The following RELN variants were observed in gnomAD, a reference collection of about 807,000 sequenced individuals.
RELN encodes the protein reelin.
Under a neutral mutation model 427.6 loss-of-function variants are expected in RELN, and 108 were observed. That is an observed-to-expected ratio of 0.25 (90% CI 0.22 to 0.30). The LOEUF (loss-of-function observed/expected upper bound fraction) is 0.30, where lower values mean the gene tolerates loss of function less well. RELN is among the 10% of genes least tolerant of loss of function. The pLI is 1.00. For synonymous variants in RELN, 1,524 were observed against 1,513.4 expected (o/e 1.01, Z -0.16); for missense variants, 3,715 against 4,302.8 (o/e 0.86, Z 3.82).
intron 5 of RELN, 35 bp from the exon 6 acceptor site, chr7:103,749,539 T>C: frequency 2.8e-6 from 4 of 1,428,490 alleles, no homozygotes; most frequent in South Asian, 1.1e-5. Flanking sequence ...GAAAGAAATA[T>C]ACTACAACAG....
chr7:103,800,456 C>G (rs1048388966), intron 3 of RELN, among the ~76,000 whole-genome samples: 3 of 152,094 alleles, frequency 2.0e-5, no homozygotes, highest in Non-Finnish European at 4.4e-5. Flanking sequence ...CTTTGACAAA[C>G]CTGACAAAAA....
Position 103,490,652 on chromosome 7 carries a change from T to A in RELN, c.9605+16A>T. On this transcript the variant is annotated intron_variant, in intron 59 of 64. Coordinates refer to ENST00000428762, the MANE Select transcript of RELN (RefSeq NM_005045.4). ...GCCAGATAATTTCACAAAGTTTACC[T>A]TAATTTGCAACCTACCTAGAGGAGA... 6 of 1,614,042 alleles carry A rather than the reference T, an allele frequency of 3.7e-6. No individual in the cohort carries two copies. The highest frequency in any genetic ancestry group is 5.1e-6 in the Non-Finnish European group (6 of 1,179,914).
chr7:103,699,125 A>G (rs2115787303), intron 9 of RELN, among the ~76,000 whole-genome samples: 1 of 152,304 alleles, frequency 6.6e-6, no homozygotes, highest in Middle Eastern at 3.4e-3. Context: ...ACCAAAGTAG[A>G]AACCTGCTGT....
chr7:103,973,047 A>G (rs1400297193), intron 1 of RELN, among the ~76,000 whole-genome samples: 2 of 152,196 alleles, frequency 1.3e-5, no homozygotes, highest in African/African-American at 4.8e-5. Context: ...TTAGAATCCC[A>G]AAAAGAATTC....
At chr7:103,615,596 G>A (rs1832061835) in intron 20 of RELN, among the ~76,000 whole-genome samples, 1 of 152,082 alleles carries the variant, frequency 6.6e-6, no homozygotes, top group African/African-American at 2.4e-5. Flanking sequence ...AGACCATCAG[G>A]GATCCTTAAC....
intron 13 of RELN, 55 bp from the exon 14 acceptor site, chr7:103,652,814 T>C (rs1389097187): frequency 1.3e-6 from 2 of 1,516,932 alleles, no homozygotes; most frequent in African/African-American, 1.4e-5. Flanking sequence ...CTAGTCCATG[T>C]AAATTCTCCT....
At chr7:103,786,789 T>A (rs553714404) in intron 3 of RELN, among the ~76,000 whole-genome samples, 2 of 152,186 alleles carry the variant, frequency 1.3e-5, no homozygotes, top group African/African-American at 4.8e-5. Flanking sequence ...ATTAGACAGA[T>A]CAACGAAGCA....
intron 11 of RELN, among the ~76,000 whole-genome samples, chr7:103,679,857 C>A (rs1366982277): frequency 6.6e-6 from 1 of 152,142 alleles, no homozygotes; most frequent in African/African-American, 2.4e-5. Flanking sequence ...CTAAACTATG[C>A]TTGGTTTCTT....
chr7:103,578,447 A>G (rs1014718347), intron 28 of RELN, among the ~76,000 whole-genome samples: 1 of 152,208 alleles, frequency 6.6e-6, no homozygotes, highest in East Asian at 1.9e-4. Flanking sequence ...AAAGGGCAAG[A>G]GATGGTTCCT....
intron 8 of RELN, among the ~76,000 whole-genome samples, chr7:103,711,523 C>T (rs963124838): frequency 7.2e-5 from 11 of 152,110 alleles, no homozygotes; most frequent in African/African-American, 2.7e-4. Context: ...GAGAATAAGA[C>T]TTTGAAATTT....
At chr7:103,925,828 A>G (rs1795718988) in intron 1 of RELN, among the ~76,000 whole-genome samples, 1 of 152,182 alleles carries the variant, frequency 6.6e-6, no homozygotes, top group South Asian at 2.1e-4. Flanking sequence ...TAATTCTTAT[A>G]AGCACATACA....
At chr7:103,904,975 C>CTTTTTTTTTTTTTTTTTTT (rs67024941) in intron 2 of RELN, among the ~76,000 whole-genome samples, 4 of 77,328 alleles carry the variant, frequency 5.2e-5, no homozygotes, top group East Asian at 4.5e-4. Flanking sequence ...AAGTTCTTTC[C>CTTTTTTTTTTTTTTTTTTT]TTTTTTTTTT....
intron 1 of RELN, among the ~76,000 whole-genome samples, chr7:103,974,988 A>C (rs373112073): frequency 2.0e-5 from 3 of 150,956 alleles, no homozygotes; most frequent in Admixed American, 1.3e-4. Flanking sequence ...ACATATAGTT[A>C]AAGTAAACTC....
At chr7:103,872,184 G>C (rs1450399021) in intron 2 of RELN, among the ~76,000 whole-genome samples, 1 of 131,242 alleles carries the variant, frequency 7.6e-6, no homozygotes, top group African/African-American at 2.7e-5. Flanking sequence ...TCTAGCATTA[G>C]GTATATCTCC....
chr7:103,615,043 C>T (rs1213865352), intron 20 of RELN, among the ~76,000 whole-genome samples: 2 of 152,092 alleles, frequency 1.3e-5, no homozygotes, highest in Non-Finnish European at 2.9e-5. Context: ...AACTTCTTTT[C>T]TGTTACAATC....
At chr7:103,895,470 A>G (rs977846410) in intron 2 of RELN, among the ~76,000 whole-genome samples, 5 of 152,092 alleles carry the variant, frequency 3.3e-5, no homozygotes, top group Admixed American at 6.6e-5. Context: ...CCGGAAGCCC[A>G]TTTGGCTTAT....
At chr7:103,788,597 A>G (rs1323719075) in intron 3 of RELN, among the ~76,000 whole-genome samples, 1 of 152,206 alleles carries the variant, frequency 6.6e-6, no homozygotes, top group Admixed American at 6.5e-5. Context: ...CAATTGCGAC[A>G]GAGAATAAAA....
intron 1 of RELN, among the ~76,000 whole-genome samples, chr7:103,921,532 A>T (rs1795617366): frequency 6.6e-6 from 1 of 152,220 alleles, no homozygotes; most frequent in Non-Finnish European, 1.5e-5. Flanking sequence ...GATTTCATAC[A>T]GAATTCTGAA....
chr7:103,669,835 T>A (rs1833351930), intron 11 of RELN, among the ~76,000 whole-genome samples: 1 of 152,094 alleles, frequency 6.6e-6, no homozygotes, highest in African/African-American at 2.4e-5. Context: ...TTTATATTTA[T>A]TCTTTTATGA....
Sources: gnomAD v4.1 joint callset for allele counts (sites outside exome capture counted in the v4.1 genomes callset) on GRCh38, gnomAD v4.1.1 for gene constraint, MANE v1.5 for transcripts, NCBI Gene and HGNC (gene_info 2026-07-23, HGNC 2026-07-21) for gene names.